The following TRIM40 variants were observed in gnomAD, a reference collection of about 807,000 sequenced individuals.
The protein encoded by TRIM40 is E3 ubiquitin ligase TRIM40.
Under a neutral mutation model 26.1 loss-of-function variants are expected in TRIM40, and 27 were observed. The ratio of observed to expected loss-of-function variants is 1.04; its 90% confidence interval spans 0.76 to 1.43. The LOEUF (loss-of-function observed/expected upper bound fraction) is 1.43, where lower values mean the gene tolerates loss of function less well. Among genes scored for constraint, TRIM40 ranks in the 40% most tolerant of loss-of-function variants. The pLI is 0.00. For missense variants in TRIM40, 289 were observed against 307.9 expected (o/e 0.94, Z 0.46); for synonymous variants, 114 against 120.0 (o/e 0.95, Z 0.33).
chr6:30,137,431 C>G, intron 2 of TRIM40, 50 bp downstream of exon 2: 4 of 1,486,420 alleles, frequency 2.7e-6, no homozygotes, highest in Non-Finnish European at 3.7e-6. Context: ...CGCTGAGGTG[C>G]TGCATCCTAC....
chr6:30,140,270 C>T (rs58190859), intron 2 of TRIM40, among the ~76,000 whole-genome samples: 1,684 of 152,218 alleles, frequency 0.011, 23 homozygotes, highest in African/African-American at 0.034. Context: ...CACATGCACA[C>T]GTATGTTTAT....
chr6:30,145,868 C>A lies in TRIM40; in HGVS notation c.346-126C>A, dbSNP rs1001725678. ...CAACCATGATGCTCTAAAAGCATTT[C>A]TTTTTAGGCAGAATTTTACATTAGT... On this transcript the variant is annotated intron_variant, in intron 2 of 5. Transcript: ENST00000396581. 1.4e-4 allele frequency: 96 copies of A among 688,402 alleles called. No homozygotes were observed. In the African/African-American group the frequency reaches 1.5e-3, roughly 11 times the overall value. The allele number at this position is 688,402 out of a possible 1,614,324, so 42.6% of individuals were successfully genotyped here.
chr6:30,147,904 C>A lies in TRIM40; in HGVS notation c.*92C>A. On this transcript the variant is annotated 3_prime_UTR_variant, in exon 6 of 6. Coordinates refer to ENST00000396581, the MANE Select transcript of TRIM40 (RefSeq NM_001286633.2). ...TGTCCAGGCCCCCACTGGGTCTACC[C>A]AGTGCATCTTCGGGCCTGCCAGCTC... 1 of 1,098,492 alleles carries A rather than the reference C, an allele frequency of 9.1e-7. No homozygotes were observed. Among genetic ancestry groups the A allele is most frequent in the Non-Finnish European group, 1.4e-6 (1 of 721,232 alleles). 68.0% of individuals were successfully genotyped at this position (1,098,492 alleles called of 1,614,324 possible). A position where few individuals can be genotyped will look rare whatever the true frequency, so the allele number is the denominator to read the frequency against.
In TRIM40 at chr6:30,146,974, C is replaced by T. The variant is rs758874685; in HGVS notation, c.442-11C>T. 2 of 1,569,364 alleles carry T rather than the reference C, an allele frequency of 1.3e-6. No individual in the cohort carries two copies. The highest frequency in any genetic ancestry group is 1.2e-5 in the South Asian group (1 of 86,620). ...CCTGACACTGAGTCTTAGGGAGCCC[C>T]TTTCCTGTAGTTTCAGGTAGACCAC... On this transcript the variant is annotated splice_polypyrimidine_tract_variant and intron_variant, in intron 3 of 5. Coordinates refer to ENST00000396581, the MANE Select transcript of TRIM40 (RefSeq NM_001286633.2).
chr6:30,145,391 A>G (rs1169778229), intron 2 of TRIM40, among the ~76,000 whole-genome samples: 4 of 152,184 alleles, frequency 2.6e-5, no homozygotes, highest in African/African-American at 9.7e-5. Flanking sequence ...CTTCTCTTAT[A>G]GGTCATCAAA....
chr6:30,143,854 A>G (rs1386581498), intron 2 of TRIM40, among the ~76,000 whole-genome samples: 1 of 152,222 alleles, frequency 6.6e-6, no homozygotes, highest in African/African-American at 2.4e-5. Context: ...CAGTCATTCT[A>G]TGCCTTTATC....
intron 3 of TRIM40, among the ~76,000 whole-genome samples, chr6:30,146,759 T>G (rs941716568): frequency 6.6e-6 from 1 of 152,184 alleles, no homozygotes; most frequent in Admixed American, 6.5e-5. Flanking sequence ...TCTATTCCTC[T>G]TGGTCACATG....
chr6:30,136,416 G>A (rs1211016430), intron 1 of TRIM40: 1 of 152,942 alleles, frequency 6.5e-6, no homozygotes, highest in African/African-American at 2.4e-5. Context: ...TTTCAGTGTG[G>A]AATCTATATG....
chr6:30,147,312 G>A, intron 4 of TRIM40, 103 bp downstream of exon 4: 1 of 1,430,676 alleles, frequency 7.0e-7, no homozygotes, highest in Non-Finnish European at 9.7e-7. Flanking sequence ...GGGCCTGTGT[G>A]ATATGTGGTG....
chr6:30,137,198 C>G lies in TRIM40; in HGVS notation c.162C>G (p.Pro54=), dbSNP rs749262172. ...KASASGVFCC[P]LCRKPCSEEV... ...CAGCCTCTGGGGTCTTCTGCTGCCC[C>G]CTCTGCCGGAAGCCCTGTTCTGAGG... The change falls in exon 2 of 6, where the codon CCC becomes CCG. Residue 54 remains proline (P), a synonymous_variant. Coordinates refer to ENST00000396581, the MANE Select transcript of TRIM40 (RefSeq NM_001286633.2). 3.7e-6 allele frequency: 6 copies of G among 1,613,066 alleles called. No individual in the cohort carries two copies. The highest frequency in any genetic ancestry group is 5.1e-6 in the Non-Finnish European group (6 of 1,180,020).
At chr6:30,145,920 G>A in intron 2 of TRIM40, 74 bp from the exon 3 acceptor site, 14 of 1,131,110 alleles carry the variant, frequency 1.2e-5, no homozygotes, top group Non-Finnish European at 1.7e-5. Flanking sequence ...GCCCCCTACC[G>A]TGTTCCATTG....
At chr6:30,139,340 T>C (rs5875235) in intron 2 of TRIM40, among the ~76,000 whole-genome samples, 1,798 of 63,110 alleles carry the variant, frequency 0.028, 26 homozygotes, top group African/African-American at 0.057. Context: ...CTTTTTTTTC[T>C]TTTTTTTTTT....
chr6:30,141,266 C>T (rs376237467), intron 2 of TRIM40, among the ~76,000 whole-genome samples: 2 of 152,170 alleles, frequency 1.3e-5, no homozygotes, highest in African/African-American at 2.4e-5. Context: ...GAGAGTGAGG[C>T]TGGAGTGAGC....
chr6:30,138,465 A>C (rs1771147372), intron 2 of TRIM40, among the ~76,000 whole-genome samples: 1 of 152,234 alleles, frequency 6.6e-6, no homozygotes, highest in Non-Finnish European at 1.5e-5. Context: ...TTTGAATGCC[A>C]ATGTCATAAT....
At position 30,137,410 on chromosome 6, in the gene TRIM40, T is replaced by G. The variant is rs994798525; in HGVS notation, c.345+29T>G. ...AGCCTGGGTCACCGCAGCCAGGCCCTGCCTCCACCTCGCTGAGGTGCTGCA... is the reference window on the plus strand; with the variant it reads ...AGCCTGGGTCACCGCAGCCAGGCCCGGCCTCCACCTCGCTGAGGTGCTGCA... On this transcript the variant is annotated intron_variant, in intron 2 of 5. Transcript: ENST00000396581. The G allele has an allele frequency of 3.1e-6, 5 of 1,590,260 alleles. No homozygotes were observed. In the African/African-American group the frequency reaches 4.0e-5, roughly 13 times the overall value.
chr6:30,146,141 C>G, intron 3 of TRIM40, 52 bp downstream of exon 3: 1 of 1,419,430 alleles, frequency 7.0e-7, no homozygotes, highest in Non-Finnish European at 9.8e-7. Flanking sequence ...CTCAGGAGCC[C>G]TTACTTAACT....
At chr6:30,142,275 T>C (rs1383984215) in intron 2 of TRIM40, among the ~76,000 whole-genome samples, 1 of 152,246 alleles carries the variant, frequency 6.6e-6, no homozygotes, top group Non-Finnish European at 1.5e-5. Context: ...GTTTCCTCAC[T>C]GACCAGTCAA....
chr6:30,136,647 CT>C (rs1255771484), intron 1 of TRIM40, 85 bp from the exon 2 acceptor site: 4 of 235,230 alleles, frequency 1.7e-5, no homozygotes, highest in Non-Finnish European at 3.3e-5. Context: ...ACACCTTGCC[CT>C]TTTAATTTGG....
chr6:30,138,006 A>G (rs1259982570), intron 2 of TRIM40, among the ~76,000 whole-genome samples: 1 of 152,154 alleles, frequency 6.6e-6, no homozygotes, highest in Non-Finnish European at 1.5e-5. Flanking sequence ...CCTCAGAGGT[A>G]ACCATTGTTT....
Sources: allele counts gnomAD v4.1 joint callset (sites outside exome capture counted in the v4.1 genomes callset), GRCh38; gene constraint gnomAD v4.1.1; transcripts MANE v1.5; gene names NCBI Gene and HGNC (gene_info 2026-07-23, HGNC 2026-07-21).